LRRC1: variants seen among roughly 807,000 people sequenced by gnomAD.
LRRC1 encodes leucine-rich repeat-containing protein 1.
A neutral mutation model predicts 69.9 loss-of-function variants in LRRC1; 28 were observed. That is an observed-to-expected ratio of 0.40 (90% CI 0.30 to 0.55). The LOEUF (loss-of-function observed/expected upper bound fraction) is 0.55. Ranked by LOEUF, LRRC1 falls within the 20% of genes least tolerant of loss-of-function variation. The pLI, the probability that LRRC1 is intolerant of heterozygous loss-of-function variation, is 0.47. For synonymous variants in LRRC1, 236 were observed against 240.2 expected (o/e 0.98, Z 0.16); for missense variants, 498 against 609.0 (o/e 0.82, Z 1.92).
Position 53,923,075 on chromosome 6 carries a change from T to G in LRRC1, c.*282T>G, listed in dbSNP as rs539671717. 40 of 260,968 alleles carry G rather than the reference T, an allele frequency of 1.5e-4. No individual in the cohort carries two copies. The highest frequency in any genetic ancestry group is 8.1e-4 in the African/African-American group (37 of 45,588). 16.2% of individuals were successfully genotyped at this position (260,968 alleles called of 1,614,324 possible). A position where few individuals can be genotyped will look rare whatever the true frequency, so the allele number is the denominator to read the frequency against. ...ACATACGACCTTTGTTTTTGTCTTA[T>G]GTTGGGGTAAAGGAAAGCAGGAAGG... is the stretch of plus-strand genomic sequence containing the variant. On this transcript the variant is annotated 3_prime_UTR_variant, in exon 14 of 14. Coordinates refer to ENST00000370888, the MANE Select transcript of LRRC1 (RefSeq NM_018214.5).
At chr6:53,836,726 A>G (rs773860410) in intron 1 of LRRC1, among the ~76,000 whole-genome samples, 1 of 152,222 alleles carries the variant, frequency 6.6e-6, no homozygotes, top group Non-Finnish European at 1.5e-5. Flanking sequence ...TAAAGTGAAC[A>G]TCTGTCACTG....
intron 10 of LRRC1, among the ~76,000 whole-genome samples, chr6:53,907,327 T>C (rs1264418098): frequency 6.6e-6 from 1 of 152,228 alleles, no homozygotes; most frequent in African/African-American, 2.4e-5. Flanking sequence ...GCTGTGTAGT[T>C]CTTCCTATAT....
chr6:53,835,946 C>T (rs374762769), intron 1 of LRRC1, among the ~76,000 whole-genome samples: 114 of 152,222 alleles, frequency 7.5e-4, no homozygotes, highest in African/African-American at 2.6e-3. Context: ...AAATATGGGC[C>T]GACTTTGTGA....
At chr6:53,911,805 T>G (rs1463954850) in intron 10 of LRRC1, among the ~76,000 whole-genome samples, 1 of 152,192 alleles carries the variant, frequency 6.6e-6, no homozygotes, top group Non-Finnish European at 1.5e-5. Context: ...ACTCTAATAA[T>G]ATTGATCATC....
chr6:53,853,519 A>C (rs2080525130), intron 2 of LRRC1, among the ~76,000 whole-genome samples: 1 of 152,098 alleles, frequency 6.6e-6, no homozygotes, highest in Non-Finnish European at 1.5e-5. Context: ...TCCTGACCTC[A>C]GGTTATCCAC....
chr6:53,921,670 C>T (rs531796475), intron 13 of LRRC1, among the ~76,000 whole-genome samples: 189 of 152,278 alleles, frequency 1.2e-3, no homozygotes, highest in Non-Finnish European at 2.2e-3. Context: ...TTCTTAAATT[C>T]CTTGAACTAA....
At chr6:53,859,636 T>C (rs1766431861) in intron 2 of LRRC1, among the ~76,000 whole-genome samples, 1 of 152,124 alleles carries the variant, frequency 6.6e-6, no homozygotes, top group Non-Finnish European at 1.5e-5. Flanking sequence ...CAAGCATCTA[T>C]TATAATGACC....
At chr6:53,798,199 A>T (rs972719438) in intron 1 of LRRC1, among the ~76,000 whole-genome samples, 1 of 152,166 alleles carries the variant, frequency 6.6e-6, no homozygotes, top group Non-Finnish European at 1.5e-5. Context: ...AACCTTTTGC[A>T]TCAGATCCCT....
Position 53,922,741 on chromosome 6 carries a change from CAAACAA to C in LRRC1, c.1528_1533del (p.Lys510_Asn511del). The C allele has an allele frequency of 6.2e-7, 1 of 1,614,052 alleles. No homozygotes were observed. Among genetic ancestry groups the C allele is most frequent in the Non-Finnish European group, 8.5e-7 (1 of 1,179,938 alleles). ...ATGAATGCTGCTAAAGGACTGGACT[CAAACAA>C]AAACGAGGTCAATCATGCCATTGAC... On this transcript the variant is annotated inframe_deletion, in exon 14 of 14. Coordinates refer to ENST00000370888, the MANE Select transcript of LRRC1 (RefSeq NM_018214.5).
intron 10 of LRRC1, among the ~76,000 whole-genome samples, chr6:53,907,539 A>G (rs986664686): frequency 4.6e-5 from 7 of 152,170 alleles, no homozygotes; most frequent in African/African-American, 1.7e-4. Flanking sequence ...AAATCAATGA[A>G]TGTCTTTTGT....
intron 1 of LRRC1, among the ~76,000 whole-genome samples, chr6:53,824,145 G>T (rs6905927): frequency 0.19 from 28,858 of 150,078 alleles, 2,985 homozygotes; most frequent in Middle Eastern, 0.32. Context: ...TTACAACCTC[G>T]CCAGCAGATG....
chr6:53,894,759 G>A (rs895901362), intron 4 of LRRC1, among the ~76,000 whole-genome samples: 3 of 152,106 alleles, frequency 2.0e-5, no homozygotes, highest in Non-Finnish European at 2.9e-5. Context: ...TTTGGAAGGA[G>A]ATACTGGGTG....
At chr6:53,825,746 A>G (rs1765236977) in intron 1 of LRRC1, among the ~76,000 whole-genome samples, 1 of 152,152 alleles carries the variant, frequency 6.6e-6, no homozygotes, top group South Asian at 2.1e-4. Flanking sequence ...TGTAGGCGTT[A>G]AGTGGGGAAC....
intron 1 of LRRC1, among the ~76,000 whole-genome samples, chr6:53,803,028 C>A (rs114907206): frequency 6.6e-6 from 1 of 152,160 alleles, no homozygotes; most frequent in Non-Finnish European, 1.5e-5. Context: ...GGGCTCCCAG[C>A]GGAAAAGGAG....
At chr6:53,814,873 C>T (rs1348947519) in intron 1 of LRRC1, among the ~76,000 whole-genome samples, 2 of 152,072 alleles carry the variant, frequency 1.3e-5, no homozygotes, top group African/African-American at 4.8e-5. Flanking sequence ...ATGGGCTTCC[C>T]TAAGTGATGA....
At position 53,807,517 on chromosome 6, in the gene LRRC1, G is replaced by A. The variant is rs191119655; in HGVS notation, c.159+12102G>A. 7.4e-3 allele frequency among the ~76,000 whole-genome samples: 1,134 copies of A among 152,276 alleles called. 11 individuals are homozygous for A. The highest frequency in any genetic ancestry group is 0.025 in the African/African-American group (1,024 of 41,554). On this transcript the variant is annotated intron_variant, in intron 1 of 13. Coordinates refer to ENST00000370888, the MANE Select transcript of LRRC1 (RefSeq NM_018214.5). ...TCCCAGCACTTTGGGAGGCTGAGGC[G>A]GGCAAATCACCTGAGGTTGGGAGTT...
chr6:53,902,834 C>T, intron 9 of LRRC1, 87 bp downstream of exon 9: 2 of 807,278 alleles, frequency 2.5e-6, no homozygotes, highest in South Asian at 2.1e-5. Context: ...ATGGAAATTT[C>T]TTCATATTAC....
intron 10 of LRRC1, among the ~76,000 whole-genome samples, chr6:53,907,919 G>T (rs532717471): frequency 6.6e-6 from 1 of 151,954 alleles, no homozygotes; most frequent in African/African-American, 2.4e-5. Flanking sequence ...TAAGTTTGTC[G>T]GCACAAATCT....
At chr6:53,823,890 A>G (rs1000205700) in intron 1 of LRRC1, among the ~76,000 whole-genome samples, 3 of 152,152 alleles carry the variant, frequency 2.0e-5, no homozygotes, top group African/African-American at 7.2e-5. Flanking sequence ...CCAGTCTACC[A>G]TTGAGGGACA....
Sources: allele counts gnomAD v4.1 joint callset (sites outside exome capture counted in the v4.1 genomes callset), GRCh38; gene constraint gnomAD v4.1.1; transcripts MANE v1.5; gene names NCBI Gene and HGNC (gene_info 2026-07-23, HGNC 2026-07-21).